FER1L6: variants seen among roughly 807,000 people sequenced by gnomAD.
The protein encoded by FER1L6 is fer-1 like family member 6, also known as fer-1-like protein 6.
In FER1L6, 177 loss-of-function variants were observed where a neutral mutation model predicts 219.2. The observed-to-expected ratio is 0.81, with a 90% confidence interval of 0.71 to 0.91. FER1L6 has a LOEUF of 0.91. FER1L6 is among the 40% of genes least tolerant of loss of function. The pLI, the probability that FER1L6 is intolerant of heterozygous loss-of-function variation, is 0.00. For synonymous variants in FER1L6, 768 were observed against 824.3 expected (o/e 0.93, Z 1.17); for missense variants, 2,153 against 2,259.9 (o/e 0.95, Z 0.96).
At chr8:123,956,132 C>G (rs1815007925) in intron 2 of FER1L6, 58 bp downstream of exon 2, 2 of 1,465,810 alleles carry the variant, frequency 1.4e-6, no homozygotes, top group South Asian at 2.4e-5. Flanking sequence ...AGAGTGACCC[C>G]TCCGTGGCTG....
chr8:124,089,686 G>A (rs1183151241), intron 33 of FER1L6, among the ~76,000 whole-genome samples: 1 of 152,092 alleles, frequency 6.6e-6, no homozygotes, highest in African/African-American at 2.4e-5. Context: ...CACACTCATT[G>A]AAATTAGAAA....
At chr8:123,871,596 G>A (rs1030354370) in intron 1 of FER1L6, among the ~76,000 whole-genome samples, 2 of 152,146 alleles carry the variant, frequency 1.3e-5, no homozygotes, top group Non-Finnish European at 2.9e-5. Context: ...AAATATCCAA[G>A]AGTCCATCCT....
intron 1 of FER1L6, among the ~76,000 whole-genome samples, chr8:123,855,728 T>C (rs572535187): frequency 2.8e-5 from 4 of 142,154 alleles, no homozygotes; most frequent in African/African-American, 1.0e-4. Context: ...CACACACACA[T>C]ATACGTAATA....
intron 2 of FER1L6, among the ~76,000 whole-genome samples, chr8:123,962,428 C>T (rs1173380792): frequency 6.6e-6 from 1 of 152,030 alleles, no homozygotes; most frequent in Non-Finnish European, 1.5e-5. Flanking sequence ...GAGTGCATGA[C>T]TTAAGCTTTG....
At chr8:124,103,424 C>A in intron 39 of FER1L6, 115 bp downstream of exon 39, 1 of 1,005,326 alleles carries the variant, frequency 9.9e-7, no homozygotes, top group Non-Finnish European at 1.5e-6. Flanking sequence ...ATGAACCCTT[C>A]ATGCAGAGGT....
In FER1L6 at chr8:123,917,384, T is replaced by A. The variant is rs147900418; in HGVS notation, c.-7-38608T>A. ...CGAGGTGTCCAGTACATCAATAATATCCACTCAAAGAACAGGCTGGGACAT... is the reference window on the plus strand; with the variant it reads ...CGAGGTGTCCAGTACATCAATAATAACCACTCAAAGAACAGGCTGGGACAT... On this transcript the variant is annotated intron_variant, in intron 1 of 40. Transcript: ENST00000522917. Among the ~76,000 whole-genome samples, 30 of 152,356 alleles carry A rather than the reference T, an allele frequency of 2.0e-4. 1 individual carries two copies. In the East Asian group the frequency reaches 5.6e-3, roughly 28 times the overall value.
chr8:124,023,834 T>C (rs1270936737), intron 18 of FER1L6, among the ~76,000 whole-genome samples: 2 of 152,170 alleles, frequency 1.3e-5, no homozygotes, highest in Non-Finnish European at 2.9e-5. Flanking sequence ...TTTCTTTTTT[T>C]AATCTAATGG....
At chr8:123,905,407 A>G (rs1812933326) in intron 1 of FER1L6, among the ~76,000 whole-genome samples, 2 of 152,180 alleles carry the variant, frequency 1.3e-5, no homozygotes, top group African/African-American at 4.8e-5. Flanking sequence ...AAAGGACATG[A>G]TCTCATTCCT....
At chr8:124,094,857 G>A in intron 34 of FER1L6, 39 bp from the exon 35 acceptor site, 1 of 1,611,244 alleles carries the variant, frequency 6.2e-7, no homozygotes, top group Non-Finnish European at 8.5e-7. Context: ...TCTCCTTGCA[G>A]GAACACACAT....
chr8:124,069,412 GA>G lies in FER1L6; in HGVS notation c.3774del (p.Asp1259ThrfsTer37). 6.2e-7 allele frequency: 1 copy of G among 1,612,276 alleles called. No individual in the cohort carries two copies. Among genetic ancestry groups the G allele is most frequent in the Non-Finnish European group, 8.5e-7 (1 of 1,179,406 alleles). On this transcript the variant is annotated frameshift_variant, in exon 29 of 41. Transcript: ENST00000522917. LOFTEE classifies it high-confidence loss of function. ...ATATAGAAGATGGGCCAAAGAAGAA[GA>G]AAGACAAAATGCTCAAGAAGAAACC... ...VDIEDGPKKK[K>X]DKMLKKKPKD...
At chr8:123,960,892 A>T (rs1815241777) in intron 2 of FER1L6, among the ~76,000 whole-genome samples, 1 of 152,118 alleles carries the variant, frequency 6.6e-6, no homozygotes, top group African/African-American at 2.4e-5. Context: ...AATATCACAC[A>T]TTGCTACTCA....
At chr8:123,908,126 G>A (rs1430247905) in intron 1 of FER1L6, among the ~76,000 whole-genome samples, 1 of 152,102 alleles carries the variant, frequency 6.6e-6, no homozygotes, top group Non-Finnish European at 1.5e-5. Flanking sequence ...TATAAGAGAT[G>A]TCAAAACCCA....
Position 124,091,598 on chromosome 8 carries a change from AATATCCTGCTGGT to A in FER1L6, c.4552+16_4552+28del, listed in dbSNP as rs1822032525. ...AGAGGACACTGGTAACTCCCTGCAA[AATATCCTGCTGGT>A]GTTGCTCTTCTTTTGAAAATCCTGA... On this transcript the variant is annotated intron_variant, in intron 34 of 40. Transcript: ENST00000522917. 1 of 1,610,026 alleles carries A rather than the reference AATATCCTGCTGGT, an allele frequency of 6.2e-7. No homozygotes were observed. The highest frequency in any genetic ancestry group is 1.7e-5 in the Admixed American group (1 of 59,458).
At chr8:123,926,541 A>C (rs1166350056) in intron 1 of FER1L6, among the ~76,000 whole-genome samples, 1 of 152,168 alleles carries the variant, frequency 6.6e-6, no homozygotes, top group Non-Finnish European at 1.5e-5. Flanking sequence ...ACCTTGTCTA[A>C]CATTAGGCCA....
At chr8:123,900,121 C>A (rs111935602) in intron 1 of FER1L6, among the ~76,000 whole-genome samples, 1 of 152,122 alleles carries the variant, frequency 6.6e-6, no homozygotes, top group African/African-American at 2.4e-5. Context: ...TTCTACCCAT[C>A]CATGAGCATG....
intron 1 of FER1L6, among the ~76,000 whole-genome samples, chr8:123,930,681 C>A (rs961946638): frequency 1.3e-5 from 2 of 152,118 alleles, no homozygotes; most frequent in Non-Finnish European, 2.9e-5. Context: ...TGCTCAGGTT[C>A]CTCATCTTTA....
chr8:124,023,548 G>C lies in FER1L6; in HGVS notation c.2238G>C (p.Ala746=), dbSNP rs4358790. ...AAGACCTCCTCTATTCCCCTGTCGC[G>C]GGGCAGATGGGCAAACACTGCGGCA... is the stretch of plus-strand genomic sequence containing the variant. ...ASKDLLYSPV[A]GQMGKHCGKI... is the part of the protein sequence containing the mutation. Residue 746 remains alanine, a synonymous_variant, in exon 18 of 41, where the codon GCG becomes GCC. Coordinates refer to ENST00000522917, the MANE Select transcript of FER1L6 (RefSeq NM_001039112.2). 916,744 of 1,613,542 alleles carry C rather than the reference G, an allele frequency of 0.57. 263,717 individuals carry two copies. The highest frequency in any genetic ancestry group is 0.64 in the African/African-American group (48,227 of 74,916).
intron 12 of FER1L6, among the ~76,000 whole-genome samples, chr8:123,999,987 C>T (rs960819396): frequency 6.6e-6 from 1 of 152,198 alleles, no homozygotes; most frequent in Admixed American, 6.5e-5. Context: ...GTGGCCTAGA[C>T]TACCTTTCAA....
At chr8:123,857,268 G>A (rs10956151) in intron 1 of FER1L6, among the ~76,000 whole-genome samples, 21,021 of 152,174 alleles carry the variant, frequency 0.14, 1,449 homozygotes, top group Middle Eastern at 0.18. Context: ...TCAGCACTTT[G>A]GGAGGCCAAG....
Sources: gnomAD v4.1 joint callset for allele counts (sites outside exome capture counted in the v4.1 genomes callset) on GRCh38, gnomAD v4.1.1 for gene constraint, MANE v1.5 for transcripts, NCBI Gene and HGNC (gene_info 2026-07-23, HGNC 2026-07-21) for gene names.